TRAF3: variants seen among roughly 807,000 people sequenced by gnomAD.
The protein encoded by TRAF3 is TNF receptor-associated factor 3.
A neutral mutation model predicts 62.3 loss-of-function variants in TRAF3; 13 were observed. The observed-to-expected ratio is 0.21, with a 90% CI of 0.14 to 0.33. TRAF3 has a LOEUF of 0.33. TRAF3 is among the 10% of genes least tolerant of loss of function. The pLI, the probability that TRAF3 is intolerant of heterozygous loss-of-function variation, is 1.00. For missense variants in TRAF3, 440 were observed against 741.8 expected (o/e 0.59, Z 4.73); for synonymous variants, 269 against 283.4 (o/e 0.95, Z 0.51).
At position 102,905,571 on chromosome 14, in the gene TRAF3, G is replaced by C; in HGVS notation, c.1494G>C (p.Leu498=). 1.9e-6 allele frequency: 3 copies of C among 1,614,196 alleles called. No homozygotes were observed. The highest frequency in any genetic ancestry group is 2.5e-6 in the Non-Finnish European group (3 of 1,180,046). ...TTAAGCAGAAAGTGACACTCATGCT[G>C]ATGGATCAGGGGTCCTCTCGACGTC... The part of the protein sequence containing the change: ...WPFKQKVTLM[L]MDQGSSRRHL... The change falls in exon 12 of 12, where the codon CTG becomes CTC. Residue 498 remains leucine, a synonymous_variant. Transcript: ENST00000392745.
At chr14:102,893,489 A>C (rs1889837346) in intron 9 of TRAF3, among the ~76,000 whole-genome samples, 1 of 151,640 alleles carries the variant, frequency 6.6e-6, no homozygotes, top group Non-Finnish European at 1.5e-5. Flanking sequence ...ATGGTTGTGG[A>C]CCGTGGTGTC....
intron 2 of TRAF3, among the ~76,000 whole-genome samples, chr14:102,854,841 TGTG>T (rs1314787805): frequency 6.6e-6 from 1 of 151,546 alleles, no homozygotes; most frequent in Admixed American, 6.6e-5. Flanking sequence ...TAAAATAAAT[TGTG>T]GTGAGATACA....
At position 102,886,204 on chromosome 14, in the gene TRAF3, G is replaced by A. The variant is rs142439625; in HGVS notation, c.586G>A (p.Asp196Asn). 7 of 1,613,016 alleles carry A rather than the reference G, an allele frequency of 4.3e-6. No individual in the cohort carries two copies. Among genetic ancestry groups the A allele is most frequent in the African/African-American group, 1.3e-5 (1 of 74,850 alleles). Residue 196 changes from aspartate to asparagine, a missense_variant, in exon 7 of 12, where the codon GAC becomes AAC. Coordinates refer to ENST00000392745, the MANE Select transcript of TRAF3 (RefSeq NM_145725.3). ...CTCTCTGTAGAAACACGAAGACACC[G>A]ACTGTCCCTGCGTGGTGGTGTCCTG... is the stretch of plus-strand genomic sequence containing the variant. ...MIALQKHEDT[D>N]CPCVVVSCPH...
At chr14:102,897,937 G>C (rs147782354) in intron 10 of TRAF3, among the ~76,000 whole-genome samples, 1 of 152,354 alleles carries the variant, frequency 6.6e-6, no homozygotes, top group East Asian at 1.9e-4. Flanking sequence ...CTGATGAAAT[G>C]TCGCTTCTCC....
chr14:102,779,782 C>T (rs1171227634), intron 1 of TRAF3, among the ~76,000 whole-genome samples: 2 of 152,200 alleles, frequency 1.3e-5, no homozygotes, highest in Non-Finnish European at 2.9e-5. Flanking sequence ...AAGGAAATTG[C>T]GTTAAATTTG....
At chr14:102,785,298 T>G (rs1042391073) in intron 1 of TRAF3, among the ~76,000 whole-genome samples, 1 of 152,204 alleles carries the variant, frequency 6.6e-6, no homozygotes, top group Non-Finnish European at 1.5e-5. Context: ...TACAGCAGCC[T>G]CCTCGGATTC....
At chr14:102,846,282 A>G (rs1886716712) in intron 2 of TRAF3, among the ~76,000 whole-genome samples, 1 of 152,176 alleles carries the variant, frequency 6.6e-6, no homozygotes, top group South Asian at 2.1e-4. Context: ...ACCCTCGGGG[A>G]TGAGAATGGA....
chr14:102,784,604 T>G (rs1261691298), intron 1 of TRAF3, among the ~76,000 whole-genome samples: 1 of 152,196 alleles, frequency 6.6e-6, no homozygotes, highest in African/African-American at 2.4e-5. Context: ...TTCTAAGTGC[T>G]AGGGGCTATG....
intron 1 of TRAF3, among the ~76,000 whole-genome samples, chr14:102,828,641 A>G (rs1331472066): frequency 6.6e-6 from 1 of 152,218 alleles, no homozygotes; most frequent in African/African-American, 2.4e-5. Flanking sequence ...TTAAATGTTT[A>G]TGAATATCCC....
chr14:102,870,884 C>T (rs919515534), intron 3 of TRAF3, among the ~76,000 whole-genome samples: 18 of 152,194 alleles, frequency 1.2e-4, no homozygotes, highest in South Asian at 4.1e-4. Flanking sequence ...AAACCTAGGC[C>T]GCATGCTTAC....
intron 6 of TRAF3, among the ~76,000 whole-genome samples, chr14:102,884,472 G>T (rs999525121): frequency 2.6e-5 from 4 of 152,120 alleles, no homozygotes; most frequent in South Asian, 2.1e-4. Context: ...CACAGGAAAA[G>T]AAATAGAAAT....
intron 7 of TRAF3, among the ~76,000 whole-genome samples, chr14:102,887,310 G>C (rs1263664504): frequency 6.6e-6 from 1 of 152,198 alleles, no homozygotes; most frequent in African/African-American, 2.4e-5. Context: ...TGGATACTGG[G>C]TAACAGGGAG....
intron 2 of TRAF3, among the ~76,000 whole-genome samples, chr14:102,854,065 A>G (rs1303611549): frequency 2.6e-5 from 4 of 152,180 alleles, no homozygotes; most frequent in African/African-American, 7.2e-5. Flanking sequence ...TCTGACTTCT[A>G]TAACTTACAT....
chr14:102,836,286 T>A (rs1258898365), intron 2 of TRAF3, among the ~76,000 whole-genome samples: 1 of 152,258 alleles, frequency 6.6e-6, no homozygotes, highest in Non-Finnish European at 1.5e-5. Flanking sequence ...CTGCCACTGC[T>A]CTAACCTACA....
chr14:102,793,309 C>A (rs369648333), intron 1 of TRAF3, among the ~76,000 whole-genome samples: 82 of 152,090 alleles, frequency 5.4e-4, no homozygotes, highest in African/African-American at 1.9e-3. Flanking sequence ...TGCCACCACA[C>A]CCAGCAAGTT....
At chr14:102,848,857 T>C (rs1215366754) in intron 2 of TRAF3, among the ~76,000 whole-genome samples, 1 of 152,238 alleles carries the variant, frequency 6.6e-6, no homozygotes, top group Non-Finnish European at 1.5e-5. Flanking sequence ...TCGATCGCTT[T>C]CTGGCTCAGC....
chr14:102,900,210 CTAGGCCGG>C (rs1031022764), intron 10 of TRAF3, among the ~76,000 whole-genome samples: 2 of 145,086 alleles, frequency 1.4e-5, no homozygotes, highest in Non-Finnish European at 3.0e-5. Flanking sequence ...AAAAGACAGC[CTAGGCCGG>C]TAGGCCGGAC....
chr14:102,864,935 T>A (rs1430339749), intron 2 of TRAF3, among the ~76,000 whole-genome samples: 1 of 152,210 alleles, frequency 6.6e-6, no homozygotes, highest in Non-Finnish European at 1.5e-5. Flanking sequence ...CTGAGTTGAT[T>A]GTGAGAAATG....
rs1275333562 is a variant in TRAF3 at position 102,865,804 on chromosome 14, A to G, written c.-17-4381A>G. 3 of 152,180 alleles carry G rather than the reference A, an allele frequency of 2.0e-5. No individual in the cohort carries two copies. The East Asian group carries it at 5.8e-4, about 29-fold the overall frequency. 9.4% of individuals were successfully genotyped at this position (152,180 alleles called of 1,614,324 possible). ...CGTGAGCCACTGTGACTGGCCTAAT[A>G]AAATTAAGATTTCTCTTCATTAAAA... On this transcript the variant is annotated intron_variant, in intron 2 of 11. Coordinates refer to ENST00000392745, the MANE Select transcript of TRAF3 (RefSeq NM_145725.3).
Sources: gnomAD v4.1 joint callset for allele counts (sites outside exome capture counted in the v4.1 genomes callset) on GRCh38, gnomAD v4.1.1 for gene constraint, MANE v1.5 for transcripts, NCBI Gene and HGNC (gene_info 2026-07-23, HGNC 2026-07-21) for gene names.